Variants in NRG3 observed in about 807,000 individuals in gnomAD.
NRG3 encodes the protein pro-neuregulin-3, membrane-bound isoform.
A neutral mutation model predicts 66.9 loss-of-function variants in NRG3; 31 were observed. The observed-to-expected ratio is 0.46, with a 90% CI of 0.35 to 0.63. The LOEUF is 0.63. Among genes scored for constraint, NRG3 ranks in the 20% least tolerant of loss-of-function variants. The pLI is 0.00. For missense variants in NRG3, 910 were observed against 878.9 expected (o/e 1.04, Z -0.45); for synonymous variants, 393 against 359.4 (o/e 1.09, Z -1.06).
At chr10:82,850,207 A>G (rs933007566) in intron 3 of NRG3, among the ~76,000 whole-genome samples, 3 of 152,206 alleles carry the variant, frequency 2.0e-5, no homozygotes, top group South Asian at 2.1e-4. Context: ...TAGAGGGGAC[A>G]TTGAATATTA....
intron 2 of NRG3, among the ~76,000 whole-genome samples, chr10:82,734,870 T>A (rs1456622840): frequency 6.6e-6 from 1 of 151,610 alleles, no homozygotes; most frequent in Non-Finnish European, 1.5e-5. Flanking sequence ...TTAAAAAAAA[T>A]AACTGAGTAT....
intron 1 of NRG3, among the ~76,000 whole-genome samples, chr10:82,343,793 C>A (rs1293274372): frequency 6.6e-6 from 1 of 151,972 alleles, no homozygotes; most frequent in Non-Finnish European, 1.5e-5. Flanking sequence ...CCCCCAATGC[C>A]ACCCTGGATG....
At chr10:82,622,185 T>C (rs1310519032) in intron 2 of NRG3, among the ~76,000 whole-genome samples, 4 of 152,158 alleles carry the variant, frequency 2.6e-5, no homozygotes, top group African/African-American at 9.7e-5. Context: ...CCTGAAAAGT[T>C]AGCTATGCTA....
intron 4 of NRG3, among the ~76,000 whole-genome samples, chr10:82,877,821 C>T (rs777220325): frequency 6.6e-6 from 1 of 152,166 alleles, no homozygotes; most frequent in African/African-American, 2.4e-5. Flanking sequence ...ATGTTTGACA[C>T]ACATGAACAT....
intron 1 of NRG3, among the ~76,000 whole-genome samples, chr10:81,970,300 T>A (rs7076691): frequency 0.45 from 68,380 of 151,928 alleles, 19,252 homozygotes; most frequent in East Asian, 0.77. Context: ...GAGATGTTAT[T>A]TGTTACTGGC....
intron 2 of NRG3, among the ~76,000 whole-genome samples, chr10:82,640,858 TA>T (rs767120532): frequency 3.9e-5 from 6 of 152,126 alleles, no homozygotes; most frequent in Non-Finnish European, 8.8e-5. Flanking sequence ...ATAGGCCTAT[TA>T]TTTTTAAAGT....
chr10:82,554,948 T>G (rs1431475218), intron 2 of NRG3, among the ~76,000 whole-genome samples: 1 of 152,158 alleles, frequency 6.6e-6, no homozygotes, highest in Non-Finnish European at 1.5e-5. Context: ...GCTGTTATAC[T>G]TTGTGTTTGC....
At chr10:82,192,215 A>C (rs564589720) in intron 1 of NRG3, among the ~76,000 whole-genome samples, 1 of 152,286 alleles carries the variant, frequency 6.6e-6, no homozygotes, top group African/African-American at 2.4e-5. Flanking sequence ...AAACGCTAAC[A>C]ATTGCAATTA....
At chr10:82,859,685 TATTGTACAATGCGGCAAC>T (rs1398759113) in intron 3 of NRG3, among the ~76,000 whole-genome samples, 1 of 152,204 alleles carries the variant, frequency 6.6e-6, no homozygotes, top group Non-Finnish European at 1.5e-5. Flanking sequence ...TCAAGGGAAC[TATTGTACAATGCGGCAAC>T]TATAGTTAAT....
chr10:82,980,484 G>A (rs184935371), intron 8 of NRG3, among the ~76,000 whole-genome samples: 13 of 152,286 alleles, frequency 8.5e-5, no homozygotes, highest in Admixed American at 8.5e-4. Flanking sequence ...AACGAGCCAA[G>A]CCAGGTTTCT....
At chr10:82,063,439 C>T (rs1441131722) in intron 1 of NRG3, among the ~76,000 whole-genome samples, 1 of 151,414 alleles carries the variant, frequency 6.6e-6, no homozygotes, top group East Asian at 1.9e-4. Flanking sequence ...CTCTGCTGTT[C>T]TACTGATAAA....
chr10:81,916,869 A>C (rs1457513771), intron 1 of NRG3, among the ~76,000 whole-genome samples: 1 of 152,192 alleles, frequency 6.6e-6, no homozygotes, highest in Non-Finnish European at 1.5e-5. Flanking sequence ...TTTCAAACTT[A>C]ATTTTTACAA....
chr10:81,987,775 T>A (rs1042889704), intron 1 of NRG3, among the ~76,000 whole-genome samples: 2 of 152,198 alleles, frequency 1.3e-5, no homozygotes, highest in Non-Finnish European at 2.9e-5. Context: ...ATCTTAGAGC[T>A]TTGATATCCA....
At chr10:82,839,229 A>G (rs187978617) in intron 3 of NRG3, among the ~76,000 whole-genome samples, 2 of 152,144 alleles carry the variant, frequency 1.3e-5, no homozygotes, top group African/African-American at 4.8e-5. Flanking sequence ...ATATGCATCT[A>G]AAAAATTACC....
chr10:81,937,982 A>G (rs1182456338), intron 1 of NRG3, among the ~76,000 whole-genome samples: 1 of 152,126 alleles, frequency 6.6e-6, no homozygotes, highest in Non-Finnish European at 1.5e-5. Flanking sequence ...TCCTGATACC[A>G]TTTGTTGAAG....
chr10:82,347,587 T>C (rs1193224056), intron 1 of NRG3, among the ~76,000 whole-genome samples: 1 of 151,920 alleles, frequency 6.6e-6, no homozygotes, highest in Non-Finnish European at 1.5e-5. Context: ...TTAGGTCTGC[T>C]TGGTGCAGAG....
chr10:82,174,955 T>C (rs1210788636), intron 1 of NRG3, among the ~76,000 whole-genome samples: 1 of 152,160 alleles, frequency 6.6e-6, no homozygotes, highest in Non-Finnish European at 1.5e-5. Context: ...CCTTTCCCAT[T>C]ATCTTACTCT....
At chr10:82,554,342 A>G (rs1730028946) in intron 2 of NRG3, among the ~76,000 whole-genome samples, 1 of 152,202 alleles carries the variant, frequency 6.6e-6, no homozygotes, top group African/African-American at 2.4e-5. Flanking sequence ...TTAATGTGAT[A>G]TGATCATTAC....
chr10:81,877,739 A>T lies in NRG3; in HGVS notation c.823+1576A>T, dbSNP rs571967157. 5.5e-5 allele frequency: 75 copies of T among 1,366,318 alleles called. No homozygotes were observed. In the South Asian group the frequency reaches 1.2e-3, roughly 22 times the overall value. The allele number at this position is 1,366,318 out of a possible 1,614,324, so 84.6% of individuals were successfully genotyped here. The stretch of plus-strand genomic sequence containing the variant: ...CACAAACCAGAATGGCAGTAGAGCC[A>T]GTAACTTGCTGCTTCTCTCTCCTTT... On this transcript the variant is annotated intron_variant, in intron 1 of 8. Transcript: ENST00000372141.
Sources: gnomAD v4.1 joint callset for allele counts (sites outside exome capture counted in the v4.1 genomes callset) on GRCh38, gnomAD v4.1.1 for gene constraint, MANE v1.5 for transcripts, NCBI Gene and HGNC (gene_info 2026-07-23, HGNC 2026-07-21) for gene names.